Variants in ZDHHC6 observed in about 807,000 individuals in gnomAD.
ZDHHC6 encodes the protein palmitoyltransferase ZDHHC6.
In ZDHHC6, 32 loss-of-function variants were observed where a neutral mutation model predicts 57.8. That is an observed-to-expected ratio of 0.55 (90% CI 0.42 to 0.74). ZDHHC6 has a LOEUF of 0.74. Ranked by LOEUF, ZDHHC6 falls within the 30% of genes least tolerant of loss-of-function variation. The probability of loss-of-function intolerance (pLI) is 0.00; values close to 1 mark genes in which losing one functional copy is unlikely to be tolerated. For missense variants in ZDHHC6, 433 were observed against 500.7 expected (o/e 0.86, Z 1.29); for synonymous variants, 128 against 158.0 (o/e 0.81, Z 1.42).
intron 10 of ZDHHC6, among the ~76,000 whole-genome samples, 181 bp from the exon 11 acceptor site, chr10:112,431,088 C>T (rs983577223): frequency 1.3e-5 from 2 of 152,152 alleles, no homozygotes; most frequent in Non-Finnish European, 2.9e-5. Flanking sequence ...ATGTTCATAA[C>T]AAGCTAGGAA....
chr10:112,433,377 C>G, intron 7 of ZDHHC6, 96 bp from the exon 8 acceptor site: 1 of 972,446 alleles, frequency 1.0e-6, no homozygotes, highest in Non-Finnish European at 1.5e-6. Flanking sequence ...TATGGCAAAA[C>G]CCCAATTTTC....
chr10:112,430,623 C>T lies in ZDHHC6; in HGVS notation c.*181G>A. Reference sequence around the variant, plus strand: ...GTAAAGAGGGGCAGGAATTCAAAGGCATATGCAGAATGGCTTCTCCATTTC... The same window carrying T: ...GTAAAGAGGGGCAGGAATTCAAAGGTATATGCAGAATGGCTTCTCCATTTC... On this transcript the variant is annotated 3_prime_UTR_variant, in exon 11 of 11. Coordinates refer to ENST00000369405, the MANE Select transcript of ZDHHC6 (RefSeq NM_022494.3). The T allele has an allele frequency of 4.0e-6, 2 of 505,284 alleles. No individual in the cohort carries two copies. The allele number at this position is 505,284 out of a possible 1,614,324, so 31.3% of individuals were successfully genotyped here. A position where few individuals can be genotyped will look rare whatever the true frequency, so the allele number is the denominator to read the frequency against.
rs1183418828 is a variant in ZDHHC6 at position 112,446,848 on chromosome 10, G to A, written c.-358C>T. On this transcript the variant is annotated 5_prime_UTR_variant, in exon 1 of 11. Transcript: ENST00000369405. ...CAAGCAGAGAGCAAACCCTGGCAGC[G>A]AGAGGCTGGAGTGCGGGACCTGCTA... is the stretch of plus-strand genomic sequence containing the variant. The A allele has an allele frequency of 5.4e-6, 1 of 185,100 alleles. No homozygotes were observed. Among genetic ancestry groups the A allele is most frequent in the African/African-American group, 2.4e-5 (1 of 42,392 alleles). The allele number at this position is 185,100 out of a possible 1,614,324, so 11.5% of individuals were successfully genotyped here. A position where few individuals can be genotyped will look rare whatever the true frequency, so the allele number is the denominator to read the frequency against.
In ZDHHC6 at chr10:112,430,945, T is replaced by TG. The variant is rs530318957; in HGVS notation, c.1139-39dup. 2.1e-4 allele frequency: 321 copies of TG among 1,535,194 alleles called. 2 individuals are homozygous for TG. In the African/African-American group the frequency reaches 3.2e-3, roughly 15 times the overall value. The stretch of plus-strand genomic sequence containing the variant: ...ATGAAATTGAGGTGAAATAGTCTGA[T>TG]GGATGACAGTGACATTACTGAAAGC... On this transcript the variant is annotated intron_variant, in intron 10 of 10. Transcript: ENST00000369405.
chr10:112,439,440 G>A (rs1451808746), intron 5 of ZDHHC6, among the ~76,000 whole-genome samples: 1 of 151,638 alleles, frequency 6.6e-6, no homozygotes, highest in Non-Finnish European at 1.5e-5. Flanking sequence ...AGACCAGCCT[G>A]GCCAAGATGG....
At chr10:112,432,607 T>A in intron 8 of ZDHHC6, 86 bp from the exon 9 acceptor site, 1 of 1,492,984 alleles carries the variant, frequency 6.7e-7, no homozygotes, top group Non-Finnish European at 9.0e-7. Flanking sequence ...TAAAGCAAGA[T>A]CCAAAATATC....
intron 10 of ZDHHC6, among the ~76,000 whole-genome samples, chr10:112,431,931 C>CA (rs1296635434): frequency 1.3e-5 from 2 of 152,112 alleles, no homozygotes; most frequent in African/African-American, 4.8e-5. Context: ...TCAGTTCCCT[C>CA]AATCAAATAT....
At chr10:112,429,516 TATCCTC>T (rs1199763762), downstream of ZDHHC6, among the ~76,000 whole-genome samples, 1 of 152,198 alleles carries the variant, frequency 6.6e-6, no homozygotes, top group Non-Finnish European at 1.5e-5. Context: ...GCTCTTCCCT[TATCCTC>T]AACTATTACA....
chr10:112,442,397 T>C (rs1190529377), intron 3 of ZDHHC6, 46 bp from the exon 4 acceptor site: 2 of 1,565,166 alleles, frequency 1.3e-6, no homozygotes, highest in Non-Finnish European at 1.7e-6. Context: ...AAATCCTGTC[T>C]ACTTTAAATA....
At chr10:112,430,949 T>C (rs1442660650) in intron 10 of ZDHHC6, 42 bp from the exon 11 acceptor site, 2 of 1,518,626 alleles carry the variant, frequency 1.3e-6, no homozygotes, top group Non-Finnish European at 1.8e-6. Flanking sequence ...GTCTGATGGA[T>C]GACAGTGACA....
At chr10:112,429,852 T>C (rs1844877202), downstream of ZDHHC6, among the ~76,000 whole-genome samples, 3 of 151,986 alleles carry the variant, frequency 2.0e-5, no homozygotes, top group Admixed American at 2.0e-4. Context: ...AGGGCGCTGG[T>C]GTCAGCACCA....
intron 2 of ZDHHC6, 121 bp downstream of exon 2, chr10:112,445,049 T>C (rs1846509896): frequency 2.6e-6 from 3 of 1,142,030 alleles, no homozygotes; most frequent in Non-Finnish European, 3.7e-6. Context: ...ATTAGAGTAA[T>C]ATACTTAGTC....
downstream of ZDHHC6, chr10:112,427,496 T>C: frequency 1.3e-6 from 1 of 751,968 alleles, no homozygotes; most frequent in Non-Finnish European, 2.0e-6. Flanking sequence ...GCTTTTGTTT[T>C]ATATTGAGAC....
At chr10:112,429,902 C>G (rs1334346121), downstream of ZDHHC6, among the ~76,000 whole-genome samples, 2 of 149,482 alleles carry the variant, frequency 1.3e-5, no homozygotes, top group African/African-American at 2.5e-5. Context: ...CTCACAGCAC[C>G]CGGGCTTGGC....
rs1318132500 is a variant in ZDHHC6 at position 112,445,531 on chromosome 10, T to G, written c.-95A>C. On this transcript the variant is annotated 5_prime_UTR_variant, in exon 2 of 11. Coordinates refer to ENST00000369405, the MANE Select transcript of ZDHHC6 (RefSeq NM_022494.3). The stretch of plus-strand genomic sequence containing the variant: ...ATGTGCCACAAGTCCATGTGTGTTC[T>G]TTAATTGTCATGCCTTCAAGCTGTG... 4 of 1,406,796 alleles carry G rather than the reference T, an allele frequency of 2.8e-6. No homozygotes were observed. The highest frequency in any genetic ancestry group is 3.8e-6 in the Non-Finnish European group (4 of 1,041,558). 87.1% of individuals were successfully genotyped at this position (1,406,796 alleles called of 1,614,324 possible).
At chr10:112,429,932 G>A (rs1412991326), downstream of ZDHHC6, among the ~76,000 whole-genome samples, 1 of 147,958 alleles carries the variant, frequency 6.8e-6, no homozygotes, top group Non-Finnish European at 1.5e-5. Context: ...GCTCCAGAGC[G>A]AGTGCCAGGA....
intron 6 of ZDHHC6, 112 bp from the exon 7 acceptor site, chr10:112,434,576 C>G (rs918567194): frequency 9.0e-7 from 1 of 1,111,490 alleles, no homozygotes; most frequent in African/African-American, 1.6e-5. Flanking sequence ...AAAATACTTC[C>G]TCCTTGCTGT....
At chr10:112,443,099 T>A (rs1303975254) in intron 3 of ZDHHC6, among the ~76,000 whole-genome samples, 1 of 152,194 alleles carries the variant, frequency 6.6e-6, no homozygotes, top group Non-Finnish European at 1.5e-5. Context: ...TAGATGTGTA[T>A]AAAGTGTAAA....
At chr10:112,440,441 A>G in intron 5 of ZDHHC6, 93 bp downstream of exon 5, 1 of 1,328,362 alleles carries the variant, frequency 7.5e-7, no homozygotes, top group Non-Finnish European at 1.0e-6. Context: ...TTTCCATTTC[A>G]TACTGGACAC....
Sources: allele counts gnomAD v4.1 joint callset (sites outside exome capture counted in the v4.1 genomes callset), GRCh38; gene constraint gnomAD v4.1.1; transcripts MANE v1.5; gene names NCBI Gene and HGNC (gene_info 2026-07-23, HGNC 2026-07-21).